ATP6V1C1: variants seen among roughly 807,000 people sequenced by gnomAD.
ATP6V1C1 encodes ATPase H+ transporting V1 subunit C1.
A neutral mutation model predicts 53.9 loss-of-function variants in ATP6V1C1; 45 were observed. The observed-to-expected ratio is 0.83, with a 90% CI of 0.66 to 1.07. ATP6V1C1 has a LOEUF of 1.07. Ranked by LOEUF, ATP6V1C1 falls within the 50% of genes least tolerant of loss-of-function variation. The pLI is 0.00. For missense variants in ATP6V1C1, 315 were observed against 440.3 expected, an observed-to-expected ratio of 0.72 and a Z score of 2.55; for synonymous variants, 153 against 155.2, an observed-to-expected ratio of 0.99 and a Z score of 0.11.
At chr8:103,057,102 A>T (rs1165184769) in intron 8 of ATP6V1C1, among the ~76,000 whole-genome samples, 1 of 152,234 alleles carries the variant, frequency 6.6e-6, no homozygotes, top group African/African-American at 2.4e-5. Flanking sequence ...GAAAGCAGGG[A>T]TTTATTAAAA....
intron 4 of ATP6V1C1, 58 bp downstream of exon 4, chr8:103,049,013 A>C: frequency 6.7e-7 from 1 of 1,488,478 alleles, no homozygotes; most frequent in Non-Finnish European, 9.3e-7. Context: ...TAACTAAGCT[A>C]CAGAAACAAA....
At position 103,024,725 on chromosome 8, in the gene ATP6V1C1, C is replaced by T. The variant is rs546666223; in HGVS notation, c.-40+3500C>T. The stretch of plus-strand genomic sequence containing the variant: ...AAACATTAGCATAGTGCCCTTGGGA[C>T]GCTTAGGCAGTGAACCAAGGCAGTC... On this transcript the variant is annotated intron_variant, in intron 1 of 12. Transcript: ENST00000518738. Among the ~76,000 whole-genome samples the T allele has an allele frequency of 3.3e-5, 5 of 152,318 alleles. No individual in the cohort carries two copies. The East Asian group carries it at 5.8e-4, about 18-fold the overall frequency.
At chr8:103,059,992 GAC>G (rs1221218029) in intron 8 of ATP6V1C1, among the ~76,000 whole-genome samples, 1 of 139,916 alleles carries the variant, frequency 7.1e-6, no homozygotes, top group East Asian at 2.1e-4. Context: ...TTTTTTTTGA[GAC>G]ACAGTCTCTC....
chr8:103,070,579 G>A lies in ATP6V1C1; in HGVS notation c.*1832G>A, dbSNP rs894601162. ...TACTCTCTCTATCATGGGGGGGCAT[G>A]TTTTGACATTAAATTGACTTTTAAG... On this transcript the variant is annotated 3_prime_UTR_variant, in exon 13 of 13. Transcript: ENST00000518738. The A allele has an allele frequency of 1.3e-5, 2 of 152,194 alleles. No homozygotes were observed. The highest frequency in any genetic ancestry group is 2.9e-5 in the Non-Finnish European group (2 of 68,026). 9.4% of individuals were successfully genotyped at this position (152,194 alleles called of 1,614,324 possible). A position where few individuals can be genotyped will look rare whatever the true frequency, so the allele number is the denominator to read the frequency against.
intron 8 of ATP6V1C1, among the ~76,000 whole-genome samples, chr8:103,061,142 G>A (rs2131402073): frequency 6.6e-6 from 1 of 152,248 alleles, no homozygotes; most frequent in South Asian, 2.1e-4. Context: ...GCCCTTCATT[G>A]GGTTTGATGG....
At chr8:103,065,202 AT>A (rs1243552128) in intron 11 of ATP6V1C1, among the ~76,000 whole-genome samples, 15 of 152,354 alleles carry the variant, frequency 9.8e-5, no homozygotes, top group Admixed American at 4.6e-4. Flanking sequence ...ATTTTGAGAT[AT>A]TTAAAAAATC....
intron 1 of ATP6V1C1, among the ~76,000 whole-genome samples, chr8:103,030,949 AAGTT>A (rs1816787254): frequency 6.6e-6 from 1 of 152,160 alleles, no homozygotes; most frequent in South Asian, 2.1e-4. Flanking sequence ...ATCAGAGACT[AAGTT>A]AGCCCTAGAG....
At chr8:103,067,937 T>G (rs139087189) in intron 12 of ATP6V1C1, among the ~76,000 whole-genome samples, 43 of 152,328 alleles carry the variant, frequency 2.8e-4, no homozygotes, top group Admixed American at 7.8e-4. Flanking sequence ...GTATAATTAT[T>G]TGATACATAA....
intron 2 of ATP6V1C1, among the ~76,000 whole-genome samples, chr8:103,041,256 TTAG>T (rs1219337985): frequency 6.6e-6 from 1 of 152,220 alleles, no homozygotes; most frequent in Non-Finnish European, 1.5e-5. Context: ...ATTAAAACTC[TTAG>T]TAATATATAT....
chr8:103,046,197 AG>A (rs1817094051), intron 3 of ATP6V1C1, among the ~76,000 whole-genome samples: 1 of 151,858 alleles, frequency 6.6e-6, no homozygotes, highest in Non-Finnish European at 1.5e-5. Context: ...AAGTTTGCTC[AG>A]ATTTTAAATT....
rs974618218 is a variant in ATP6V1C1, at chr8:103,042,533, C to T, written c.200+126C>T. 9 of 782,526 alleles carry T rather than the reference C, an allele frequency of 1.2e-5. No homozygotes were observed. The African/African-American group carries it at 1.4e-4, about 12-fold the overall frequency. 48.5% of individuals were successfully genotyped at this position (782,526 alleles called of 1,614,324 possible). A position where few individuals can be genotyped will look rare whatever the true frequency, so the allele number is the denominator to read the frequency against. ...AATGGTTTTAGAAAACGACTTTTTT[C>T]CCTTCGTATATCAATTTTATGAAGG... On this transcript the variant is annotated intron_variant, in intron 3 of 12. Transcript: ENST00000518738.
At position 103,047,430 on chromosome 8, in the gene ATP6V1C1, G is replaced by GCACACACACA. The variant is rs546475923; in HGVS notation, c.201-1415_201-1406dup. On this transcript the variant is annotated intron_variant, in intron 3 of 12. Coordinates refer to ENST00000518738, the MANE Select transcript of ATP6V1C1 (RefSeq NM_001695.5). ...TTAAAAAAAAAAAAAAAATGCGCGC[G>GCACACACACA]CACACACACACACACACACACACAC... 9.4e-4 allele frequency among the ~76,000 whole-genome samples: 99 copies of GCACACACACA among 104,944 alleles called. 1 individual carries two copies. The Middle Eastern group carries it at 0.017, about 18-fold the overall frequency. 68.8% of individuals were successfully genotyped at this position (104,944 alleles called of 152,430 possible). A position where few individuals can be genotyped will look rare whatever the true frequency, so the allele number is the denominator to read the frequency against.
At chr8:103,034,105 T>G (rs1268769254) in intron 1 of ATP6V1C1, among the ~76,000 whole-genome samples, 1 of 152,124 alleles carries the variant, frequency 6.6e-6, no homozygotes, top group Non-Finnish European at 1.5e-5. Flanking sequence ...TTTCAGAAAG[T>G]GTCCAGCATC....
intron 3 of ATP6V1C1, among the ~76,000 whole-genome samples, chr8:103,044,674 CT>C (rs35353838): frequency 0.15 from 20,063 of 132,574 alleles, 1,547 homozygotes; most frequent in African/African-American, 0.24. Context: ...AATTCTCCAA[CT>C]TTTTTTTTTT....
At chr8:103,064,254 A>G (rs894486455) in intron 10 of ATP6V1C1, among the ~76,000 whole-genome samples, 1 of 152,184 alleles carries the variant, frequency 6.6e-6, no homozygotes, top group African/African-American at 2.4e-5. Context: ...CAGATGGGAA[A>G]ACTAAGAGCT....
intron 1 of ATP6V1C1, among the ~76,000 whole-genome samples, chr8:103,034,281 A>G (rs778493736): frequency 2.0e-5 from 3 of 152,162 alleles, no homozygotes; most frequent in Admixed American, 6.5e-5. Context: ...TCTGTTTAGC[A>G]TATGATTTTG....
chr8:103,032,744 TTGGGATTACAGGTGTGAGCCACCACACC>T (rs1391296887), intron 1 of ATP6V1C1, among the ~76,000 whole-genome samples: 1 of 152,070 alleles, frequency 6.6e-6, no homozygotes, highest in Non-Finnish European at 1.5e-5. Flanking sequence ...TCCCAAAGTG[TTGGGATTACAGGTGTGAGCCACCACACC>T]TGGCCAATTT....
At chr8:103,049,404 C>A (rs1244985663) in intron 4 of ATP6V1C1, among the ~76,000 whole-genome samples, 1 of 152,076 alleles carries the variant, frequency 6.6e-6, no homozygotes, top group Non-Finnish European at 1.5e-5. Flanking sequence ...CAGAATAGTG[C>A]CCCCTCAGTA....
intron 12 of ATP6V1C1, 92 bp from the exon 13 acceptor site, chr8:103,068,560 A>G: frequency 1.1e-6 from 1 of 882,644 alleles, no homozygotes; most frequent in Non-Finnish European, 1.7e-6. Context: ...AGCCCAGAGT[A>G]GATGTTCAAT....
Sources: gnomAD v4.1 joint callset for allele counts (sites outside exome capture counted in the v4.1 genomes callset) on GRCh38, gnomAD v4.1.1 for gene constraint, MANE v1.5 for transcripts, NCBI Gene and HGNC (gene_info 2026-07-23, HGNC 2026-07-21) for gene names.